The following RAPGEF2 variants were observed in gnomAD, a reference collection of about 807,000 sequenced individuals.
The protein encoded by RAPGEF2 is PDZ domain containing guanine nucleotide exchange factor (GEF) 1.
RAPGEF2 carries 54 observed loss-of-function variants against 186.7 expected under a neutral mutation model. The ratio of observed to expected loss-of-function variants is 0.29; its 90% confidence interval spans 0.23 to 0.36. The LOEUF is 0.36. Among genes scored for constraint, RAPGEF2 ranks in the 10% least tolerant of loss-of-function variants. The probability of loss-of-function intolerance (pLI) is 1.00; values close to 1 mark genes in which losing one functional copy is unlikely to be tolerated. For missense variants in RAPGEF2, 1,532 were observed against 2,045.0 expected, an observed-to-expected ratio of 0.75 and a Z score of 4.84; for synonymous variants, 712 against 705.9, an observed-to-expected ratio of 1.01 and a Z score of -0.14.
chr4:159,156,160 A>T (rs1744094537), intron 1 of RAPGEF2, among the ~76,000 whole-genome samples: 1 of 152,208 alleles, frequency 6.6e-6, no homozygotes, highest in Non-Finnish European at 1.5e-5. Flanking sequence ...ACAGTTTTAT[A>T]TGAAGGCTTG....
Position 159,342,004 on chromosome 4 carries a change from A to G in RAPGEF2, c.2918+57A>G, listed in dbSNP as rs1186146765. On this transcript the variant is annotated intron_variant, in intron 20 of 29. Coordinates refer to ENST00000691494, the MANE Select transcript of RAPGEF2 (RefSeq NM_001394067.2). ...TTCAGTTCACAGATTTAAAATATGT[A>G]TCAGTCCAGGAACATCATATAATTA... The G allele has an allele frequency of 6.1e-6, 9 of 1,470,600 alleles. No individual in the cohort carries two copies. In the African/African-American group the frequency reaches 7.1e-5, roughly 12 times the overall value. The allele number at this position is 1,470,600 out of a possible 1,614,324, so 91.1% of individuals were successfully genotyped here. A position where few individuals can be genotyped will look rare whatever the true frequency, so the allele number is the denominator to read the frequency against.
chr4:159,188,792 A>G (rs562937222), intron 2 of RAPGEF2, among the ~76,000 whole-genome samples: 1 of 152,356 alleles, frequency 6.6e-6, no homozygotes, highest in African/African-American at 2.4e-5. Context: ...GTTATAAATA[A>G]TAAGTTCAAG....
chr4:159,210,415 G>A (rs888795900), intron 3 of RAPGEF2, 85 bp from the exon 4 acceptor site: 3 of 776,482 alleles, frequency 3.9e-6, no homozygotes, highest in Admixed American at 5.3e-5. Context: ...AAGTAATATG[G>A]GTGCTGCACT....
chr4:159,193,340 C>T (rs1017905385), intron 3 of RAPGEF2, 84 bp downstream of exon 3: 4 of 689,848 alleles, frequency 5.8e-6, no homozygotes, highest in African/African-American at 1.9e-5. Flanking sequence ...TTAGTAACAG[C>T]TGGCTAAGTC....
chr4:159,307,036 A>T (rs775489472), intron 8 of RAPGEF2, among the ~76,000 whole-genome samples: 1 of 152,208 alleles, frequency 6.6e-6, no homozygotes, highest in Non-Finnish European at 1.5e-5. Context: ...AATATACACA[A>T]ATATCCTTAT....
chr4:159,329,872 C>T lies in RAPGEF2; in HGVS notation c.1164C>T (p.Ala388=), dbSNP rs1309357707. 3.7e-6 allele frequency: 6 copies of T among 1,609,664 alleles called. No individual in the cohort carries two copies. The highest frequency in any genetic ancestry group is 5.1e-6 in the Non-Finnish European group (6 of 1,177,778). ...TTTTATTCCAGTTTGTCTGCATAGC[C>T]CAGCAAGATTACTGCCGTATTCTCA... ...KVDDCQFVCI[A]QQDYCRILNQ... Residue 388 remains alanine (A), a synonymous_variant, in exon 12 of 30, where the codon GCC becomes GCT. Transcript: ENST00000691494.
chr4:159,118,596 T>A (rs1002169885), intron 1 of RAPGEF2, among the ~76,000 whole-genome samples: 14 of 152,212 alleles, frequency 9.2e-5, no homozygotes, highest in South Asian at 6.2e-4. Context: ...TATTATTATT[T>A]TTTTTTGAGA....
chr4:159,126,773 A>G (rs1421025230), intron 1 of RAPGEF2, among the ~76,000 whole-genome samples: 1 of 152,166 alleles, frequency 6.6e-6, no homozygotes, highest in African/African-American at 2.4e-5. Flanking sequence ...CAGAGCTACA[A>G]GAGGAAAAAT....
rs1322220000 is a variant in RAPGEF2, at chr4:159,322,545, G to T, written c.990+62G>T. 2.8e-6 allele frequency: 4 copies of T among 1,419,060 alleles called. No homozygotes were observed. In the African/African-American group the frequency reaches 4.3e-5, roughly 15 times the overall value. 87.9% of individuals were successfully genotyped at this position (1,419,060 alleles called of 1,614,324 possible). A position where few individuals can be genotyped will look rare whatever the true frequency, so the allele number is the denominator to read the frequency against. On this transcript the variant is annotated intron_variant, in intron 10 of 29. Transcript: ENST00000691494. Reference sequence around the variant, plus strand: ...TTAAAGATATCTCAATACAGCAATTGAACAAAACCCCAATTCTTACTTTTT... The same window carrying T: ...TTAAAGATATCTCAATACAGCAATTTAACAAAACCCCAATTCTTACTTTTT...
chr4:159,227,054 C>T (rs1752113998), intron 4 of RAPGEF2, among the ~76,000 whole-genome samples: 1 of 152,138 alleles, frequency 6.6e-6, no homozygotes. Flanking sequence ...TTCAGTCTTA[C>T]AAAGAAATAC....
intron 11 of RAPGEF2, chr4:159,327,041 G>C (rs1435566661): frequency 1.3e-5 from 2 of 152,164 alleles, no homozygotes; most frequent in Non-Finnish European, 2.9e-5. Context: ...TGGAATCATA[G>C]GCTCTAATAG....
At chr4:159,271,840 A>G (rs533589859) in intron 7 of RAPGEF2, among the ~76,000 whole-genome samples, 1 of 152,316 alleles carries the variant, frequency 6.6e-6, no homozygotes, top group South Asian at 2.1e-4. Flanking sequence ...TAAAACTTTC[A>G]TTGCTTGGCT....
intron 26 of RAPGEF2, chr4:159,352,478 T>C: frequency 3.8e-6 from 2 of 521,602 alleles, no homozygotes; most frequent in Non-Finnish European, 6.8e-6. Flanking sequence ...TCTTTTTTCC[T>C]CTCTAAACTT....
intron 26 of RAPGEF2, among the ~76,000 whole-genome samples, chr4:159,350,614 G>A (rs999610177): frequency 6.6e-6 from 1 of 152,128 alleles, no homozygotes. Flanking sequence ...TATGACATTA[G>A]TACAGAGAAG....
chr4:159,185,095 A>T (rs958357602), intron 1 of RAPGEF2, among the ~76,000 whole-genome samples: 1 of 152,232 alleles, frequency 6.6e-6, no homozygotes, highest in Non-Finnish European at 1.5e-5. Flanking sequence ...AACATCCTTA[A>T]TCATTGGGGA....
At chr4:159,182,071 TA>T in intron 1 of RAPGEF2, among the ~76,000 whole-genome samples, 2 of 152,298 alleles carry the variant, frequency 1.3e-5, no homozygotes, top group African/African-American at 4.8e-5. Flanking sequence ...GTTAACTGGA[TA>T]GGGGAAACAA....
chr4:159,193,292 A>T, intron 3 of RAPGEF2, 36 bp downstream of exon 3: 9 of 1,314,100 alleles, frequency 6.8e-6, no homozygotes, highest in Non-Finnish European at 9.0e-6. Flanking sequence ...AATGTATCTA[A>T]TCCAGTGACT....
intron 1 of RAPGEF2, among the ~76,000 whole-genome samples, chr4:159,109,086 C>T (rs1470659476): frequency 6.6e-6 from 1 of 152,078 alleles, no homozygotes; most frequent in Non-Finnish European, 1.5e-5. Flanking sequence ...TATAAATGGA[C>T]TATCCGAAAT....
intron 13 of RAPGEF2, 36 bp from the exon 14 acceptor site, chr4:159,331,395 A>C: frequency 7.2e-7 from 1 of 1,397,340 alleles, no homozygotes; most frequent in Non-Finnish European, 9.9e-7. Context: ...TTTTGGCACT[A>C]AAAAGGAAAC....
Sources: allele counts gnomAD v4.1 joint callset (sites outside exome capture counted in the v4.1 genomes callset), GRCh38; gene constraint gnomAD v4.1.1; transcripts MANE v1.5; gene names NCBI Gene and HGNC (gene_info 2026-07-23, HGNC 2026-07-21).